Variants in CCSER1 observed in about 807,000 individuals in gnomAD.
CCSER1 encodes coiled-coil serine rich protein 1, also known as serine-rich coiled-coil domain-containing protein 1.
CCSER1 carries 41 observed loss-of-function variants against 82.0 expected under a neutral mutation model. That is an observed-to-expected ratio of 0.50 (90% confidence interval 0.39 to 0.65). The LOEUF (loss-of-function observed/expected upper bound fraction) is 0.65, where lower values mean the gene tolerates loss of function less well. Among genes scored for constraint, CCSER1 ranks in the 30% least tolerant of loss-of-function variants. The probability of loss-of-function intolerance (pLI) is 0.00; values close to 1 mark genes in which losing one functional copy is unlikely to be tolerated. For synonymous variants in CCSER1, 414 were observed against 383.9 expected, an observed-to-expected ratio of 1.08 and a Z score of -0.92; for missense variants, 1,119 against 1,064.2, an observed-to-expected ratio of 1.05 and a Z score of -0.72.
At chr4:90,157,807 C>T (rs188361531) in intron 1 of CCSER1, among the ~76,000 whole-genome samples, 5 of 152,038 alleles carry the variant, frequency 3.3e-5, no homozygotes, top group African/African-American at 1.2e-4. Flanking sequence ...AACTTCTTTG[C>T]CTTTGGTTTG....
At chr4:90,662,262 G>T (rs892301629) in intron 6 of CCSER1, among the ~76,000 whole-genome samples, 1 of 152,062 alleles carries the variant, frequency 6.6e-6, no homozygotes, top group African/African-American at 2.4e-5. Flanking sequence ...CTCCCAAAGT[G>T]CTGGGATTAC....
chr4:90,473,296 A>G (rs776374233), intron 5 of CCSER1, among the ~76,000 whole-genome samples: 8 of 152,212 alleles, frequency 5.3e-5, no homozygotes, highest in Non-Finnish European at 1.2e-4. Flanking sequence ...GATTTTTGTG[A>G]CCATTGTAAA....
intron 4 of CCSER1, among the ~76,000 whole-genome samples, chr4:90,403,534 A>G (rs976120524): frequency 1.3e-5 from 2 of 150,940 alleles, no homozygotes; most frequent in African/African-American, 2.4e-5. Context: ...AAAAGACCTC[A>G]GATTATAAGA....
At chr4:91,375,586 C>G (rs1485913189) in intron 10 of CCSER1, among the ~76,000 whole-genome samples, 1 of 150,788 alleles carries the variant, frequency 6.6e-6, no homozygotes, top group Non-Finnish European at 1.5e-5. Context: ...TTTAGCATTT[C>G]AACTACAATG....
intron 9 of CCSER1, among the ~76,000 whole-genome samples, chr4:91,067,787 A>G (rs1720999906): frequency 6.6e-6 from 1 of 152,200 alleles, no homozygotes; most frequent in Non-Finnish European, 1.5e-5. Context: ...GAAGTTAGTT[A>G]TGAATATTAG....
chr4:90,654,090 T>G (rs1023397002), intron 6 of CCSER1, among the ~76,000 whole-genome samples: 2 of 152,206 alleles, frequency 1.3e-5, no homozygotes, highest in Middle Eastern at 6.8e-3. Context: ...GCCCCCATGA[T>G]CCAGTCACCT....
intron 1 of CCSER1, among the ~76,000 whole-genome samples, chr4:90,157,423 C>T (rs1197726817): frequency 1.4e-5 from 2 of 147,852 alleles, no homozygotes; most frequent in Admixed American, 1.3e-4. Flanking sequence ...GTTGGCCTGC[C>T]TTGCTAGATT....
At chr4:91,168,698 C>T (rs921807054) in intron 10 of CCSER1, among the ~76,000 whole-genome samples, 6 of 150,436 alleles carry the variant, frequency 4.0e-5, no homozygotes, top group Non-Finnish European at 7.4e-5. Flanking sequence ...CCAACAGCTC[C>T]GAAGAGACAG....
At chr4:91,178,274 G>C (rs973356986) in intron 10 of CCSER1, among the ~76,000 whole-genome samples, 5 of 152,152 alleles carry the variant, frequency 3.3e-5, no homozygotes, top group African/African-American at 1.2e-4. Context: ...GTGCTGAGAA[G>C]AATGTAGATT....
At chr4:91,541,399 C>A (rs1761590094) in intron 10 of CCSER1, among the ~76,000 whole-genome samples, 1 of 152,168 alleles carries the variant, frequency 6.6e-6, no homozygotes, top group African/African-American at 2.4e-5. Flanking sequence ...CCATGACAGG[C>A]CCAGGTGTGT....
At position 91,599,068 on chromosome 4, in the gene CCSER1, G is replaced by C; in HGVS notation, c.*11G>C. The C allele has an allele frequency of 2.0e-6, 3 of 1,521,636 alleles. No homozygotes were observed. The highest frequency in any genetic ancestry group is 2.7e-6 in the Non-Finnish European group (3 of 1,128,916). The allele number at this position is 1,521,636 out of a possible 1,614,324, so 94.3% of individuals were successfully genotyped here. ...CAGCAGGATGGGTAATTAAATCACC[G>C]TATTCCTGTCTTTGGGTAGGATAAA... On this transcript the variant is annotated 3_prime_UTR_variant, in exon 11 of 11. Transcript: ENST00000509176.
intron 6 of CCSER1, among the ~76,000 whole-genome samples, chr4:90,686,329 C>A (rs553183329): frequency 1.3e-5 from 2 of 152,168 alleles, no homozygotes; most frequent in South Asian, 2.1e-4. Flanking sequence ...CTTCTAACTG[C>A]ATTTTTAAAA....
intron 6 of CCSER1, among the ~76,000 whole-genome samples, chr4:90,675,669 TG>T (rs1176814804): frequency 0.077 from 4 of 52 alleles, no homozygotes; most frequent in Non-Finnish European, 0.11. Context: ...TTTTTTTTTT[TG>T]GCTTGGGTTG....
chr4:90,283,781 A>C (rs1729318105), intron 1 of CCSER1, among the ~76,000 whole-genome samples: 2 of 152,062 alleles, frequency 1.3e-5, no homozygotes, highest in Non-Finnish European at 2.9e-5. Context: ...ATAGGGCTGC[A>C]GTAAGCATGG....
At chr4:91,207,045 G>A (rs1193655968) in intron 10 of CCSER1, among the ~76,000 whole-genome samples, 1 of 151,692 alleles carries the variant, frequency 6.6e-6, no homozygotes, top group Non-Finnish European at 1.5e-5. Context: ...GATATAAGAT[G>A]GACCATGGAA....
chr4:90,766,222 C>A (rs1199704247), intron 7 of CCSER1, among the ~76,000 whole-genome samples: 1 of 152,124 alleles, frequency 6.6e-6, no homozygotes, highest in Non-Finnish European at 1.5e-5. Context: ...GCAGATGAGT[C>A]TTCCTAGTGC....
rs938540563 is a variant in CCSER1, at chr4:91,106,698, C to T, written c.2217+20704C>T. Among the ~76,000 whole-genome samples, 10 of 152,242 alleles carry T rather than the reference C, an allele frequency of 6.6e-5. No homozygotes were observed. The East Asian group carries it at 1.9e-3, about 29-fold the overall frequency. The stretch of plus-strand genomic sequence containing the variant: ...TGGTCTCTGTCTTTTGGAAAATGGA[C>T]AGTTATTTATTCTATTTCTCTTTTC... On this transcript the variant is annotated intron_variant, in intron 10 of 10. Coordinates refer to ENST00000509176, the MANE Select transcript of CCSER1 (RefSeq NM_001145065.2).
At chr4:90,612,439 A>G (rs1004506022) in intron 5 of CCSER1, among the ~76,000 whole-genome samples, 1 of 152,180 alleles carries the variant, frequency 6.6e-6, no homozygotes, top group Non-Finnish European at 1.5e-5. Flanking sequence ...AAATGAGTAA[A>G]CATTAATGTG....
At chr4:90,479,881 G>A (rs1011536124) in intron 5 of CCSER1, among the ~76,000 whole-genome samples, 3 of 152,114 alleles carry the variant, frequency 2.0e-5, no homozygotes, top group Non-Finnish European at 4.4e-5. Flanking sequence ...TAATCCTTTG[G>A]ATATATACCC....
Sources: allele counts gnomAD v4.1 joint callset (sites outside exome capture counted in the v4.1 genomes callset), GRCh38; gene constraint gnomAD v4.1.1; transcripts MANE v1.5; gene names NCBI Gene and HGNC (gene_info 2026-07-23, HGNC 2026-07-21).